The following PLA2G12A variants were observed in gnomAD, a reference collection of about 807,000 sequenced individuals.
The protein encoded by PLA2G12A is phospholipase A2 group XIIA.
In PLA2G12A, 11 loss-of-function variants were observed where a neutral mutation model predicts 16.0. The ratio of observed to expected loss-of-function variants is 0.69; its 90% CI spans 0.43 to 1.13. PLA2G12A has a LOEUF of 1.13. PLA2G12A is among the 50% of genes most tolerant of loss of function. The probability of loss-of-function intolerance (pLI) is 0.00; values close to 1 mark genes in which losing one functional copy is unlikely to be tolerated. For missense variants in PLA2G12A, 214 were observed against 237.3 expected, an observed-to-expected ratio of 0.90 and a Z score of 0.65; for synonymous variants, 77 against 93.8, an observed-to-expected ratio of 0.82 and a Z score of 1.03.
chr4:109,717,549 C>G lies in PLA2G12A; in HGVS notation c.450G>C (p.Gln150His). The G allele has an allele frequency of 6.2e-7, 1 of 1,613,348 alleles. No individual in the cohort carries two copies. Among genetic ancestry groups the G allele is most frequent in the Non-Finnish European group, 8.5e-7 (1 of 1,179,384 alleles). ...QKTLGLTQHV[Q>H]ACETTVELLF... ...CCCAAGCCACCAGATCATCCTTACCCTGAACATGCTGAGTTAGTCCTAGTG... is the reference window on the plus strand; with the variant it reads ...CCCAAGCCACCAGATCATCCTTACCGTGAACATGCTGAGTTAGTCCTAGTG... Residue 150 changes from glutamine (Q) to histidine (H), a missense_variant and splice_region_variant, in exon 3 of 4, where the codon CAG becomes CAC. Coordinates refer to ENST00000243501, the MANE Select transcript of PLA2G12A (RefSeq NM_030821.5).
chr4:109,725,588 C>T (rs1365981775), intron 1 of PLA2G12A, among the ~76,000 whole-genome samples: 1 of 152,214 alleles, frequency 6.6e-6, no homozygotes, highest in African/African-American at 2.4e-5. Flanking sequence ...CCACTGTGTA[C>T]AACTGCATGG....
chr4:109,714,456 A>G lies in PLA2G12A; in HGVS notation c.491T>C (p.Ile164Thr), dbSNP rs200797816. Reference protein sequence around the residue: ...TTVELLFDSVIHLGCKPYLDS... With the variant: ...TTVELLFDSVTHLGCKPYLDS... ...CAGATATGGTTTACAACCTAAATGT[A>G]TAACACTGTCAAACAAGAGCTCCAC... is the stretch of plus-strand genomic sequence containing the variant. The change falls in exon 4 of 4, where the codon ATA (isoleucine) becomes ACA (threonine). Residue 164 changes from isoleucine to threonine, a missense_variant. Ile to Thr is a moderately conservative substitution (Grantham distance 89). Coordinates refer to ENST00000243501, the MANE Select transcript of PLA2G12A (RefSeq NM_030821.5). The G allele has an allele frequency of 7.6e-5, 122 of 1,614,078 alleles. No individual in the cohort carries two copies. Among genetic ancestry groups the G allele is most frequent in the Non-Finnish European group, 9.3e-5 (110 of 1,179,942 alleles).
Position 109,729,978 on chromosome 4 carries a change from A to G in PLA2G12A, c.-169T>C. On this transcript the variant is annotated 5_prime_UTR_variant, in exon 1 of 4. Transcript: ENST00000243501. ...CTCAGGATCTCGCTGTCTTTACGTG[A>G]ACCGCCTCGGGCAGGCAGCGCCGTC... The G allele has an allele frequency of 3.4e-6, 2 of 593,248 alleles. No homozygotes were observed. The highest frequency in any genetic ancestry group is 6.6e-5 in the East Asian group (2 of 30,176). The allele number at this position is 593,248 out of a possible 1,614,324, so 36.7% of individuals were successfully genotyped here.
At chr4:109,728,038 T>C (rs1277670726) in intron 1 of PLA2G12A, among the ~76,000 whole-genome samples, 1 of 152,260 alleles carries the variant, frequency 6.6e-6, no homozygotes, top group African/African-American at 2.4e-5. Flanking sequence ...CTCAGGTCCA[T>C]TGCACTTGCT....
chr4:109,714,231 G>C lies in PLA2G12A; in HGVS notation c.*146C>G. On this transcript the variant is annotated 3_prime_UTR_variant, in exon 4 of 4. Coordinates refer to ENST00000243501, the MANE Select transcript of PLA2G12A (RefSeq NM_030821.5). ...ATCTCCCTCACTTTTTTTGCTTTGA[G>C]GTTTTAACATCAAGATATAAATTAT... The C allele has an allele frequency of 2.9e-6, 2 of 695,718 alleles. No homozygotes were observed. The highest frequency in any genetic ancestry group is 3.5e-5 in the South Asian group (2 of 56,352). 43.1% of individuals were successfully genotyped at this position (695,718 alleles called of 1,614,324 possible).
Position 109,714,398 on chromosome 4 carries a change from A to C in PLA2G12A, c.549T>G (p.Tyr183Ter), listed in dbSNP as rs771404216. 2.5e-6 allele frequency: 4 copies of C among 1,613,402 alleles called. No homozygotes were observed. The highest frequency in any genetic ancestry group is 2.5e-6 in the Non-Finnish European group (3 of 1,179,308). ...DSQRAACRCHYEEKTDL is the reference protein window; with the variant it reads ...DSQRAACRCH ...TCCTTTAAAGATCAGTTTTTTCTTC[A>C]TAATGACACCTGCATGCGGCTCGTT... The change falls in exon 4 of 4, where the codon TAT (tyrosine) becomes TAG (stop). Residue 183 changes from tyrosine to a stop codon, truncating the protein, a stop_gained. Transcript: ENST00000243501. LOFTEE classifies it high-confidence loss of function.
chr4:109,727,461 A>C (rs1379170295), intron 1 of PLA2G12A, among the ~76,000 whole-genome samples: 1 of 151,854 alleles, frequency 6.6e-6, no homozygotes, highest in Non-Finnish European at 1.5e-5. Flanking sequence ...GGTGACTTGG[A>C]CTTGAAACCA....
chr4:109,715,744 G>C lies in PLA2G12A; in HGVS notation c.452-1249C>G, dbSNP rs145701704. On this transcript the variant is annotated intron_variant, in intron 3 of 3. Transcript: ENST00000243501. ...CCAGCCAAGGCCTCCCAAAGTGCTG[G>C]GATTACAGGCGTGAGCCACCGCACC... Among the ~76,000 whole-genome samples, 125 of 152,210 alleles carry C rather than the reference G, an allele frequency of 8.2e-4. 3 individuals are homozygous for C. The East Asian group carries it at 0.023, about 28-fold the overall frequency.
rs1458691995 is a variant in PLA2G12A, at chr4:109,717,546, A to C, written c.451+2T>G. On this transcript the variant is annotated splice_donor_variant, in intron 3 of 3. Transcript: ENST00000243501. LOFTEE classifies it high-confidence loss of function. ...ATCCCCAAGCCACCAGATCATCCTT[A>C]CCCTGAACATGCTGAGTTAGTCCTA... 6.2e-7 allele frequency: 1 copy of C among 1,613,020 alleles called. No individual in the cohort carries two copies. Among genetic ancestry groups the C allele is most frequent in the Non-Finnish European group, 8.5e-7 (1 of 1,179,226 alleles).
chr4:109,720,113 T>A (rs1730896494), intron 1 of PLA2G12A, among the ~76,000 whole-genome samples: 1 of 152,206 alleles, frequency 6.6e-6, no homozygotes. Flanking sequence ...TCTTTTAAGT[T>A]CTACCTATAA....
intron 3 of PLA2G12A, among the ~76,000 whole-genome samples, chr4:109,716,769 G>A (rs1257956548): frequency 6.6e-6 from 1 of 152,120 alleles, no homozygotes; most frequent in Non-Finnish European, 1.5e-5. Context: ...GTAAATCACT[G>A]AACCTGGGGG....
chr4:109,718,422 T>A (rs1730865760), intron 2 of PLA2G12A, among the ~76,000 whole-genome samples: 1 of 152,240 alleles, frequency 6.6e-6, no homozygotes, highest in Admixed American at 6.5e-5. Flanking sequence ...GTAGCACTTC[T>A]GTACTCCAAA....
At position 109,713,967 on chromosome 4, in the gene PLA2G12A, A is replaced by G; in HGVS notation, c.*410T>C. 1 of 161,984 alleles carries G rather than the reference A, an allele frequency of 6.2e-6. No homozygotes were observed. The allele number at this position is 161,984 out of a possible 1,614,324, so 10.0% of individuals were successfully genotyped here. On this transcript the variant is annotated 3_prime_UTR_variant, in exon 4 of 4. Transcript: ENST00000243501. ...ATTTCATAGTAAACAAATACTTGTAAGTGATAATTTCCCCATTTTCCAAAT... is the reference window on the plus strand; with the variant it reads ...ATTTCATAGTAAACAAATACTTGTAGGTGATAATTTCCCCATTTTCCAAAT...
chr4:109,717,789 A>T, intron 2 of PLA2G12A, 76 bp from the exon 3 acceptor site: 1 of 1,337,886 alleles, frequency 7.5e-7, no homozygotes. Flanking sequence ...AAATAGACTA[A>T]ATAGGTATAA....
At chr4:109,723,349 A>C (rs899541783) in intron 1 of PLA2G12A, among the ~76,000 whole-genome samples, 1 of 152,180 alleles carries the variant, frequency 6.6e-6, no homozygotes, top group African/African-American at 2.4e-5. Context: ...GTTTCAGTTC[A>C]CCATTCTCGA....
intron 3 of PLA2G12A, among the ~76,000 whole-genome samples, chr4:109,715,108 G>A (rs541944230): frequency 2.0e-5 from 3 of 152,124 alleles, no homozygotes; most frequent in Admixed American, 2.0e-4. Context: ...ACCATGCCTG[G>A]CCCAATTGTT....
At position 109,729,592 on chromosome 4, in the gene PLA2G12A, G is replaced by GC. The variant is rs1225822448; in HGVS notation, c.208+9dup. ...GCACGAGCCCTCGCTGGGCCCGGGT[G>GC]CCCCCTCACCGTCACTGCATTTATA... On this transcript the variant is annotated intron_variant, in intron 1 of 3. Transcript: ENST00000243501. 6.2e-7 allele frequency: 1 copy of GC among 1,602,618 alleles called. No homozygotes were observed. Among genetic ancestry groups the GC allele is most frequent in the East Asian group, 2.2e-5 (1 of 44,554 alleles).
chr4:109,712,413 C>A lies in PLA2G12A; in HGVS notation c.*1964G>T, dbSNP rs1730750464. ...ATTTTATAACGATATTGAGTTTGTC[C>A]TTTTGAGAAAGCCAATGCTGCTAAC... On this transcript the variant is annotated 3_prime_UTR_variant, in exon 4 of 4. Transcript: ENST00000243501. 6.6e-6 allele frequency: 1 copy of A among 151,930 alleles called. No individual in the cohort carries two copies. The highest frequency in any genetic ancestry group is 1.5e-5 in the Non-Finnish European group (1 of 67,996). 9.4% of individuals were successfully genotyped at this position (151,930 alleles called of 1,614,324 possible).
At chr4:109,718,496 CA>C (rs1730866825) in intron 2 of PLA2G12A, among the ~76,000 whole-genome samples, 186 bp downstream of exon 2, 1 of 152,098 alleles carries the variant, frequency 6.6e-6, no homozygotes, top group Non-Finnish European at 1.5e-5. Flanking sequence ...CTATAAGATT[CA>C]AAAATAAAAC....
Sources: allele counts gnomAD v4.1 joint callset (sites outside exome capture counted in the v4.1 genomes callset), GRCh38; gene constraint gnomAD v4.1.1; transcripts MANE v1.5; gene names NCBI Gene and HGNC (gene_info 2026-07-23, HGNC 2026-07-21).